Variants in KDM2B observed in about 807,000 individuals in gnomAD.
KDM2B encodes lysine demethylase 2B.
KDM2B carries 26 observed loss-of-function variants against 150.0 expected under a neutral mutation model. The observed-to-expected ratio is 0.17, with a 90% CI of 0.13 to 0.24. The LOEUF (loss-of-function observed/expected upper bound fraction) is 0.24, where lower values mean the gene tolerates loss of function less well. Ranked by LOEUF, KDM2B falls within the 10% of genes least tolerant of loss-of-function variation. KDM2B has a pLI of 1.00. For synonymous variants in KDM2B, 734 were observed against 729.5 expected (o/e 1.01, Z -0.10); for missense variants, 1,265 against 1,816.9 (o/e 0.70, Z 5.52).
intron 12 of KDM2B, among the ~76,000 whole-genome samples, chr12:121,462,172 G>C (rs1393690369): frequency 6.6e-6 from 1 of 152,218 alleles, no homozygotes; most frequent in Non-Finnish European, 1.5e-5. Flanking sequence ...GCACGACACA[G>C]CTGTATTTAT....
At chr12:121,536,973 G>A (rs1888173844) in intron 6 of KDM2B, among the ~76,000 whole-genome samples, 1 of 152,204 alleles carries the variant, frequency 6.6e-6, no homozygotes, top group Non-Finnish European at 1.5e-5. Context: ...GCTGCAGTGT[G>A]CAGGGAAAGT....
chr12:121,465,074 T>A (rs1422388582), intron 12 of KDM2B, among the ~76,000 whole-genome samples: 1 of 151,900 alleles, frequency 6.6e-6, no homozygotes, highest in Non-Finnish European at 1.5e-5. Context: ...TCTCCCTCAG[T>A]GCACTGAGTG....
At chr12:121,574,701 A>C in intron 3 of KDM2B, 108 bp from the exon 4 acceptor site, 2 of 994,902 alleles carry the variant, frequency 2.0e-6, no homozygotes, top group Non-Finnish European at 3.1e-6. Context: ...CTTTCCCCTC[A>C]GTTTGGGAAC....
intron 12 of KDM2B, among the ~76,000 whole-genome samples, chr12:121,475,335 T>C (rs1331201562): frequency 1.3e-5 from 2 of 152,004 alleles, no homozygotes; most frequent in African/African-American, 4.8e-5. Flanking sequence ...ATACCCGTAA[T>C]GCCAACACTT....
chr12:121,494,370 C>A, intron 12 of KDM2B: 1 of 516,186 alleles, frequency 1.9e-6, no homozygotes, highest in Non-Finnish European at 3.5e-6. Context: ...GACCACCAGG[C>A]GGCACTGTTC....
chr12:121,443,857 G>A, intron 16 of KDM2B, 64 bp from the exon 17 acceptor site: 2 of 1,387,344 alleles, frequency 1.4e-6, no homozygotes, highest in Non-Finnish European at 2.0e-6. Context: ...CTTTGGGGCA[G>A]GGCTCTCAGG....
intron 11 of KDM2B, among the ~76,000 whole-genome samples, chr12:121,499,166 A>C (rs1478643116): frequency 7.0e-6 from 1 of 143,560 alleles, no homozygotes; most frequent in East Asian, 2.1e-4. Context: ...GCTAGAGTGC[A>C]GTGGCACAAT....
intron 8 of KDM2B, among the ~76,000 whole-genome samples, chr12:121,524,949 G>A (rs1336699749): frequency 6.6e-6 from 1 of 151,962 alleles, no homozygotes; most frequent in East Asian, 1.9e-4. Context: ...CACAACCTGA[G>A]CGTCTGCTCA....
rs1360438525 is a variant in KDM2B at position 121,443,327 on chromosome 12, G to A, written c.2566-297C>T. 1.0e-4 allele frequency: 60 copies of A among 580,568 alleles called. No individual in the cohort carries two copies. In the East Asian group the frequency reaches 1.7e-3, roughly 16 times the overall value. The allele number at this position is 580,568 out of a possible 1,614,324, so 36.0% of individuals were successfully genotyped here. A position where few individuals can be genotyped will look rare whatever the true frequency, so the allele number is the denominator to read the frequency against. ...AAATCATCCTCGGCTCTGGGAGCCAGTTCTGGAGCACAGCCCTGTGGGAAT... is the reference window on the plus strand; with the variant it reads ...AAATCATCCTCGGCTCTGGGAGCCAATTCTGGAGCACAGCCCTGTGGGAAT... On this transcript the variant is annotated intron_variant, in intron 17 of 22. Transcript: ENST00000377071.
chr12:121,461,051 G>A (rs1855957634), intron 12 of KDM2B, among the ~76,000 whole-genome samples: 1 of 152,162 alleles, frequency 6.6e-6, no homozygotes, highest in Non-Finnish European at 1.5e-5. Flanking sequence ...CCTGGACCCT[G>A]GCATGCTAAC....
At chr12:121,426,657 G>C (rs1872530008), downstream of KDM2B, among the ~76,000 whole-genome samples, 1 of 125,982 alleles carries the variant, frequency 7.9e-6, no homozygotes, top group Non-Finnish European at 1.6e-5. Context: ...ACAGAGTCTT[G>C]CTCTGTTGCC....
At chr12:121,488,285 G>A (rs1257281652) in intron 12 of KDM2B, among the ~76,000 whole-genome samples, 4 of 152,168 alleles carry the variant, frequency 2.6e-5, no homozygotes, top group Non-Finnish European at 2.9e-5. Flanking sequence ...TCCTCCTCTC[G>A]TGTCCTCGAT....
At chr12:121,560,197 T>C (rs1374617814) in intron 4 of KDM2B, among the ~76,000 whole-genome samples, 1 of 151,956 alleles carries the variant, frequency 6.6e-6, no homozygotes, top group African/African-American at 2.4e-5. Flanking sequence ...AGACAGGGTT[T>C]CACTCTGTTT....
chr12:121,450,166 T>C (rs1261777683), intron 13 of KDM2B, among the ~76,000 whole-genome samples: 1 of 151,786 alleles, frequency 6.6e-6, no homozygotes, highest in African/African-American at 2.4e-5. Context: ...ATACAAAAAT[T>C]AGCTGGGTGT....
chr12:121,552,475 C>A (rs1052058419), intron 4 of KDM2B, among the ~76,000 whole-genome samples: 1 of 151,996 alleles, frequency 6.6e-6, no homozygotes, highest in South Asian at 2.1e-4. Flanking sequence ...GAGTTCAAGA[C>A]CAGCCTGGCC....
At position 121,442,832 on chromosome 12, in the gene KDM2B, C is replaced by A; in HGVS notation, c.2609G>T (p.Arg870Leu). The A allele has an allele frequency of 6.6e-7, 1 of 1,519,724 alleles. No individual in the cohort carries two copies. Among genetic ancestry groups the A allele is most frequent in the Non-Finnish European group, 8.8e-7 (1 of 1,138,974 alleles). 94.1% of individuals were successfully genotyped at this position (1,519,724 alleles called of 1,614,324 possible). The change falls in exon 19 of 23, where the codon CGG becomes CTG. Residue 870 changes from arginine to leucine, a missense_variant. Transcript: ENST00000377071. The surrounding 1 kb of genome is among the most constrained non-coding windows in gnomAD (Gnocchi z 7.7). ...KEDKLFRKKRRSWKNAEDRMA... is the reference protein window; with the variant it reads ...KEDKLFRKKRLSWKNAEDRMA... Reference sequence around the variant, plus strand: ...GCGGTCCTCGGCGTTCTTCCAGGACCGCCGCTGAGGGCGAGAGCGGAGACG... The same window carrying A: ...GCGGTCCTCGGCGTTCTTCCAGGACAGCCGCTGAGGGCGAGAGCGGAGACG...
intron 13 of KDM2B, among the ~76,000 whole-genome samples, chr12:121,448,212 C>G (rs1555290761): frequency 3.4e-5 from 5 of 145,740 alleles, no homozygotes; most frequent in African/African-American, 1.3e-4. Context: ...CCCAGCTGCT[C>G]GGGAGACTGA....
rs1872833445 is a variant in KDM2B, at chr12:121,430,575, A to G, written c.3830-106T>C. On this transcript the variant is annotated intron_variant, in intron 22 of 22. Coordinates refer to ENST00000377071, the MANE Select transcript of KDM2B (RefSeq NM_032590.5). The surrounding 1 kb of genome is among the most constrained non-coding windows in gnomAD (Gnocchi z 4.4). The stretch of plus-strand genomic sequence containing the variant: ...GTGGGGACAGGTCAGAGCTCTACAT[A>G]TTCCAGTCCCTGCTGTGCTGCACTA... The G allele has an allele frequency of 1.3e-6, 1 of 749,780 alleles. No homozygotes were observed. Among genetic ancestry groups the G allele is most frequent in the South Asian group, 1.5e-5 (1 of 65,346 alleles). 46.4% of individuals were successfully genotyped at this position (749,780 alleles called of 1,614,324 possible). A position where few individuals can be genotyped will look rare whatever the true frequency, so the allele number is the denominator to read the frequency against.
chr12:121,579,040 G>A lies in KDM2B; in HGVS notation c.127-94C>T, dbSNP rs1318344412. ...CCCAGCACTAACAGGTGCAGCAGCC[G>A]AGCGCCCCCTGCACCCCACCATTGC... On this transcript the variant is annotated intron_variant, in intron 1 of 22. Coordinates refer to ENST00000377071, the MANE Select transcript of KDM2B (RefSeq NM_032590.5). 1.2e-5 allele frequency: 17 copies of A among 1,375,580 alleles called. No homozygotes were observed. The East Asian group carries it at 2.9e-4, about 23-fold the overall frequency. The allele number at this position is 1,375,580 out of a possible 1,614,324, so 85.2% of individuals were successfully genotyped here.
Sources: gnomAD v4.1 joint callset for allele counts (sites outside exome capture counted in the v4.1 genomes callset) on GRCh38, gnomAD v4.1.1 for gene constraint, Gnocchi (gnomAD v3.1) non-coding constraint, MANE v1.5 for transcripts, NCBI Gene and HGNC (gene_info 2026-07-23, HGNC 2026-07-21) for gene names.